Variants in HS3ST4 observed in about 807,000 individuals in gnomAD.
HS3ST4 encodes the protein heparan sulfate glucosamine 3-O-sulfotransferase 4.
HS3ST4 carries 17 observed loss-of-function variants against 29.2 expected under a neutral mutation model. The ratio of observed to expected loss-of-function variants is 0.58; its 90% CI spans 0.40 to 0.87. The LOEUF is 0.87. HS3ST4 is among the 40% of genes least tolerant of loss of function. HS3ST4 has a pLI of 0.00. For synonymous variants in HS3ST4, 314 were observed against 285.7 expected, an observed-to-expected ratio of 1.10 and a Z score of -1.00; for missense variants, 627 against 634.5, an observed-to-expected ratio of 0.99 and a Z score of 0.13.
chr16:25,976,101 G>T (rs1224188170), intron 1 of HS3ST4, among the ~76,000 whole-genome samples: 1 of 152,178 alleles, frequency 6.6e-6, no homozygotes, highest in African/African-American at 2.4e-5. Context: ...ATTTCTGAGA[G>T]TATATGTAAA....
At chr16:25,844,667 A>G (rs1361005431) in intron 1 of HS3ST4, among the ~76,000 whole-genome samples, 1 of 152,232 alleles carries the variant, frequency 6.6e-6, no homozygotes, top group Non-Finnish European at 1.5e-5. Context: ...ATCTAGAACC[A>G]GAAATACCAT....
chr16:25,945,317 G>A (rs1968614300), intron 1 of HS3ST4, among the ~76,000 whole-genome samples: 1 of 152,066 alleles, frequency 6.6e-6, no homozygotes, highest in South Asian at 2.1e-4. Context: ...ATATGTCTTG[G>A]AAGTATTTAC....
At chr16:26,033,122 T>C (rs550735440) in intron 1 of HS3ST4, among the ~76,000 whole-genome samples, 1 of 152,136 alleles carries the variant, frequency 6.6e-6, no homozygotes, top group Non-Finnish European at 1.5e-5. Flanking sequence ...CTTACACCTG[T>C]AATCCCAGAA....
intron 1 of HS3ST4, among the ~76,000 whole-genome samples, chr16:25,857,849 G>A (rs1404771038): frequency 6.6e-6 from 1 of 151,802 alleles, no homozygotes; most frequent in Non-Finnish European, 1.5e-5. Context: ...ATTTGTCATA[G>A]ATTCCTTAAT....
chr16:26,136,553 T>C lies in HS3ST4; in HGVS notation c.*305T>C. 2.4e-6 allele frequency: 1 copy of C among 412,934 alleles called. No homozygotes were observed. The highest frequency in any genetic ancestry group is 4.4e-6 in the Non-Finnish European group (1 of 228,012). 25.6% of individuals were successfully genotyped at this position (412,934 alleles called of 1,614,324 possible). ...CCTGAAGACAGAGGATAAATAGTTGTCAATGTCAGAGACAGTGCTATTAAT... is the reference window on the plus strand; with the variant it reads ...CCTGAAGACAGAGGATAAATAGTTGCCAATGTCAGAGACAGTGCTATTAAT... On this transcript the variant is annotated 3_prime_UTR_variant, in exon 2 of 2. Transcript: ENST00000331351.
intron 1 of HS3ST4, among the ~76,000 whole-genome samples, chr16:25,811,422 CTTTTTTTTTTTTTCT>C (rs912055283): frequency 2.9e-4 from 37 of 129,072 alleles, no homozygotes; most frequent in Middle Eastern, 4.2e-3. Flanking sequence ...TTTTCTTCTT[CTTTTTTTTTTTTTCT>C]TTTTTTTTTT....
At chr16:26,120,912 A>G (rs1311137084) in intron 1 of HS3ST4, among the ~76,000 whole-genome samples, 14 of 152,214 alleles carry the variant, frequency 9.2e-5, no homozygotes, top group Non-Finnish European at 1.5e-4. Context: ...GAGAATACAC[A>G]ATGAAGAAAT....
rs144679811 is a variant in HS3ST4 at position 25,789,806 on chromosome 16, C to T, written c.734+96655C>T. On this transcript the variant is annotated intron_variant, in intron 1 of 1. Coordinates refer to ENST00000331351, the MANE Select transcript of HS3ST4 (RefSeq NM_006040.3). Reference sequence around the variant, plus strand: ...TTTCCACAGATTAATACTGCCTATTCGAACTTCATATATATGGAATAGTAA... The same window carrying T: ...TTTCCACAGATTAATACTGCCTATTTGAACTTCATATATATGGAATAGTAA... 4.6e-5 allele frequency among the ~76,000 whole-genome samples: 7 copies of T among 152,164 alleles called. No individual in the cohort carries two copies. The East Asian group carries it at 9.7e-4, about 21-fold the overall frequency.
intron 1 of HS3ST4, among the ~76,000 whole-genome samples, chr16:26,120,080 T>TATG (rs58533742): frequency 0.016 from 2,201 of 136,662 alleles, 29 homozygotes; most frequent in Non-Finnish European, 0.025. Flanking sequence ...TATGTGTGTG[T>TATG]GTGTGTGTGT....
chr16:25,941,686 C>T (rs757287290), intron 1 of HS3ST4, among the ~76,000 whole-genome samples: 15 of 152,028 alleles, frequency 9.9e-5, no homozygotes, highest in Non-Finnish European at 1.8e-4. Context: ...ACGCCATTCT[C>T]CTGCCTCAGC....
chr16:26,064,426 G>T (rs1434082404), intron 1 of HS3ST4, among the ~76,000 whole-genome samples: 1 of 152,112 alleles, frequency 6.6e-6, no homozygotes, highest in Admixed American at 6.5e-5. Context: ...ACTGAGCATC[G>T]TGCAGAAGCC....
intron 1 of HS3ST4, among the ~76,000 whole-genome samples, chr16:25,926,694 C>T (rs193078913): frequency 1.0e-3 from 159 of 152,178 alleles, no homozygotes; most frequent in Middle Eastern, 3.4e-3. Flanking sequence ...GAGACTGGGG[C>T]GAAGAAAAGA....
At chr16:25,791,511 A>G (rs950995550) in intron 1 of HS3ST4, among the ~76,000 whole-genome samples, 4 of 152,088 alleles carry the variant, frequency 2.6e-5, no homozygotes, top group African/African-American at 9.6e-5. Context: ...GACAATTGGC[A>G]TATTTACTTA....
At chr16:25,758,052 C>T (rs1213962754) in intron 1 of HS3ST4, among the ~76,000 whole-genome samples, 1 of 152,160 alleles carries the variant, frequency 6.6e-6, no homozygotes, top group Non-Finnish European at 1.5e-5. Context: ...CATTATCAGT[C>T]TGTCATAGAA....
At chr16:25,919,893 C>T (rs1275412967) in intron 1 of HS3ST4, among the ~76,000 whole-genome samples, 1 of 152,158 alleles carries the variant, frequency 6.6e-6, no homozygotes, top group African/African-American at 2.4e-5. Flanking sequence ...GAATCAAAAT[C>T]AGTATGTAAA....
intron 1 of HS3ST4, among the ~76,000 whole-genome samples, chr16:26,129,588 A>G (rs1899390656): frequency 6.6e-6 from 1 of 152,208 alleles, no homozygotes; most frequent in Admixed American, 6.5e-5. Context: ...ATATTAAGTC[A>G]TTTCATCCTC....
chr16:25,812,703 C>CTTTTTTTTT (rs11382075), intron 1 of HS3ST4, among the ~76,000 whole-genome samples: 1 of 146,596 alleles, frequency 6.8e-6, no homozygotes. Context: ...AAAGTACTTC[C>CTTTTTTTTT]TTTTTTTTTT....
intron 1 of HS3ST4, among the ~76,000 whole-genome samples, chr16:25,986,802 A>G (rs560700945): frequency 1.3e-5 from 2 of 152,204 alleles, no homozygotes; most frequent in East Asian, 1.9e-4. Context: ...GACTCTGATC[A>G]TTAGGTGTTC....
chr16:25,874,547 C>A (rs1200546562), intron 1 of HS3ST4, among the ~76,000 whole-genome samples: 1 of 152,084 alleles, frequency 6.6e-6, no homozygotes, highest in Non-Finnish European at 1.5e-5. Context: ...TGAATCCCAC[C>A]CATCCATCAA....
Sources: gnomAD v4.1 joint callset for allele counts (sites outside exome capture counted in the v4.1 genomes callset) on GRCh38, gnomAD v4.1.1 for gene constraint, MANE v1.5 for transcripts, NCBI Gene and HGNC (gene_info 2026-07-23, HGNC 2026-07-21) for gene names.